The following ADAM12 variants were observed in gnomAD, a reference collection of about 807,000 sequenced individuals.
The protein encoded by ADAM12 is ADAM metallopeptidase domain 12, also known as disintegrin and metalloproteinase domain-containing protein 12.
In ADAM12, 70 loss-of-function variants were observed where a neutral mutation model predicts 106.4. That is an observed-to-expected ratio of 0.66 (90% CI 0.54 to 0.80). ADAM12 has a LOEUF of 0.80. Ranked by LOEUF, ADAM12 falls within the 30% of genes least tolerant of loss-of-function variation. The pLI is 0.00. For synonymous variants in ADAM12, 420 were observed against 433.5 expected (o/e 0.97, Z 0.39); for missense variants, 1,010 against 1,171.9 (o/e 0.86, Z 2.02).
At chr10:126,285,612 T>C (rs909762115) in intron 2 of ADAM12, among the ~76,000 whole-genome samples, 20 of 152,296 alleles carry the variant, frequency 1.3e-4, no homozygotes, top group African/African-American at 4.8e-4. Context: ...GGCTTGGAGA[T>C]AAACCCCAAG....
At chr10:126,138,568 A>ATT (rs1217897834) in intron 4 of ADAM12, among the ~76,000 whole-genome samples, 4 of 151,998 alleles carry the variant, frequency 2.6e-5, no homozygotes, top group African/African-American at 9.7e-5. Flanking sequence ...TAGTGATGGA[A>ATT]TTTCACCATA....
chr10:126,295,708 G>A (rs4565825), intron 2 of ADAM12, among the ~76,000 whole-genome samples: 33,981 of 152,022 alleles, frequency 0.22, 4,232 homozygotes, highest in South Asian at 0.36. Flanking sequence ...CCTTTACCAT[G>A]AAAACCATGC....
intron 11 of ADAM12, among the ~76,000 whole-genome samples, chr10:126,071,987 G>A (rs892908835): frequency 6.6e-6 from 1 of 152,160 alleles, no homozygotes; most frequent in East Asian, 1.9e-4. Context: ...ATGATGCTAC[G>A]AAAAGTGAAT....
chr10:126,113,201 A>T (rs1361442572), intron 6 of ADAM12, among the ~76,000 whole-genome samples: 1 of 151,892 alleles, frequency 6.6e-6, no homozygotes, highest in Non-Finnish European at 1.5e-5. Context: ...GGCTGGGGAG[A>T]GCTTGTGGGT....
At chr10:126,123,711 G>T (rs529693413) in intron 5 of ADAM12, among the ~76,000 whole-genome samples, 1 of 152,178 alleles carries the variant, frequency 6.6e-6, no homozygotes, top group Non-Finnish European at 1.5e-5. Context: ...TGTGTGCCCC[G>T]GGCTTGGGCC....
intron 8 of ADAM12, 31 bp from the exon 9 acceptor site, chr10:126,101,272 G>T (rs780922966): frequency 6.2e-7 from 1 of 1,603,126 alleles, no homozygotes; most frequent in Admixed American, 1.7e-5. Flanking sequence ...TGGCATTGGA[G>T]TTGGGATCAC....
intron 1 of ADAM12, among the ~76,000 whole-genome samples, chr10:126,367,210 TAAAG>T (rs1855941394): frequency 6.6e-6 from 1 of 151,782 alleles, no homozygotes; most frequent in East Asian, 1.9e-4. Context: ...ATAAAAGTAA[TAAAG>T]AAGACATAAT....
intron 1 of ADAM12, among the ~76,000 whole-genome samples, chr10:126,339,847 CTTTTTTTT>C (rs146232567): frequency 6.6e-5 from 5 of 75,710 alleles, no homozygotes; most frequent in Admixed American, 5.6e-4. Flanking sequence ...CATTCTAGGG[CTTTTTTTT>C]TTTTTTTTTT....
rs143536400 is a variant in ADAM12 at position 126,098,100 on chromosome 10, A to G, written c.996+316T>C. ...CAGCTGCATGACGAGGGCAACCCCA[A>G]TGCCCTGGCTCACCCCAGTGCTGCG... is the stretch of plus-strand genomic sequence containing the variant. On this transcript the variant is annotated intron_variant, in intron 10 of 22. Coordinates refer to ENST00000448723, the MANE Select transcript of ADAM12 (RefSeq NM_001288973.2). 2.2e-3 allele frequency among the ~76,000 whole-genome samples: 341 copies of G among 152,320 alleles called. 1 individual carries two copies. The highest frequency in any genetic ancestry group is 7.6e-3 in the African/African-American group (316 of 41,574).
At chr10:126,083,006 G>T (rs778856725) in intron 11 of ADAM12, among the ~76,000 whole-genome samples, 2 of 152,348 alleles carry the variant, frequency 1.3e-5, no homozygotes, top group South Asian at 2.1e-4. Flanking sequence ...CAAGTAGCAC[G>T]CCTGGTAGGC....
intron 1 of ADAM12, among the ~76,000 whole-genome samples, chr10:126,371,101 A>C (rs1856100292): frequency 6.6e-6 from 1 of 152,230 alleles, no homozygotes; most frequent in African/African-American, 2.4e-5. Flanking sequence ...TTGTAGCTGT[A>C]TAACTGCACA....
intron 2 of ADAM12, among the ~76,000 whole-genome samples, chr10:126,311,262 T>A (rs1465187521): frequency 6.6e-6 from 1 of 152,198 alleles, no homozygotes; most frequent in Non-Finnish European, 1.5e-5. Context: ...GTTTGCTGAA[T>A]AAATACAGAA....
chr10:126,135,427 G>T (rs1193833107), intron 5 of ADAM12, 157 bp downstream of exon 5: 2 of 679,006 alleles, frequency 2.9e-6, no homozygotes, highest in Admixed American at 2.5e-5. Flanking sequence ...GTAAGCAGTG[G>T]AGAGAGGGCC....
chr10:126,257,417 A>G (rs1958914440), intron 3 of ADAM12, among the ~76,000 whole-genome samples: 2 of 152,226 alleles, frequency 1.3e-5, no homozygotes, highest in Non-Finnish European at 2.9e-5. Context: ...AGTTTAGCAA[A>G]GGAACTCGAT....
intron 1 of ADAM12, among the ~76,000 whole-genome samples, chr10:126,359,689 G>C (rs1855674185): frequency 6.6e-6 from 1 of 152,154 alleles, no homozygotes; most frequent in Non-Finnish European, 1.5e-5. Flanking sequence ...TACTTTCACG[G>C]GCTGGTGTTG....
At chr10:126,269,792 T>C (rs544976272) in intron 3 of ADAM12, among the ~76,000 whole-genome samples, 2 of 152,318 alleles carry the variant, frequency 1.3e-5, no homozygotes, top group Admixed American at 1.3e-4. Context: ...CCATCTCAAA[T>C]GCCCTCTCTC....
At chr10:126,188,135 C>A (rs1469489809) in intron 3 of ADAM12, among the ~76,000 whole-genome samples, 4 of 152,222 alleles carry the variant, frequency 2.6e-5, no homozygotes, top group Non-Finnish European at 5.9e-5. Flanking sequence ...TGTTTGCTGT[C>A]CTCTTCCTCC....
chr10:126,227,321 C>T (rs991373147), intron 3 of ADAM12, among the ~76,000 whole-genome samples: 4 of 152,142 alleles, frequency 2.6e-5, no homozygotes, highest in African/African-American at 7.2e-5. Context: ...TTGCCATCAC[C>T]ACCTGTCATC....
chr10:126,251,900 TG>T (rs1958779510), intron 3 of ADAM12, among the ~76,000 whole-genome samples: 1 of 92,198 alleles, frequency 1.1e-5, no homozygotes, highest in Non-Finnish European at 2.2e-5. Flanking sequence ...ATGGATGGGA[TG>T]GATAGGATGG....
Sources: allele counts gnomAD v4.1 joint callset (sites outside exome capture counted in the v4.1 genomes callset), GRCh38; gene constraint gnomAD v4.1.1; transcripts MANE v1.5; gene names NCBI Gene and HGNC (gene_info 2026-07-23, HGNC 2026-07-21).